Variants in MRPL13 observed in about 807,000 individuals in gnomAD.
MRPL13 encodes mitochondrial ribosomal protein L13.
Under a neutral mutation model 29.0 loss-of-function variants are expected in MRPL13, and 33 were observed. The observed-to-expected ratio is 1.14, with a 90% confidence interval of 0.86 to 1.52. MRPL13 has a LOEUF of 1.52. Ranked by LOEUF, MRPL13 falls within the 40% of genes most tolerant of loss-of-function variation. MRPL13 has a pLI of 0.00. For missense variants in MRPL13, 227 were observed against 216.7 expected (o/e 1.05, Z -0.30); for synonymous variants, 77 against 68.4 (o/e 1.13, Z -0.62).
At chr8:120,430,676 A>G (rs1341367157) in intron 3 of MRPL13, among the ~76,000 whole-genome samples, 1 of 152,162 alleles carries the variant, frequency 6.6e-6, no homozygotes, top group Non-Finnish European at 1.5e-5. Context: ...AAATAGCAAT[A>G]TGTTGTCTAA....
In MRPL13 at chr8:120,425,294, C is replaced by T. The variant is rs754741961; in HGVS notation, c.306+12G>A. The T allele has an allele frequency of 5.0e-6, 8 of 1,604,928 alleles. No individual in the cohort carries two copies. In the East Asian group the frequency reaches 6.7e-5, roughly 13 times the overall value. ...TTCCAAAGATGATTAATAAAAAATA[C>T]AAGAAACTTACTGCCACTGGATCCC... is the stretch of plus-strand genomic sequence containing the variant. On this transcript the variant is annotated intron_variant, in intron 4 of 6. Coordinates refer to ENST00000306185, the MANE Select transcript of MRPL13 (RefSeq NM_014078.6).
intron 2 of MRPL13, among the ~76,000 whole-genome samples, chr8:120,438,824 A>G (rs760702940): frequency 1.3e-5 from 2 of 152,244 alleles, no homozygotes; most frequent in South Asian, 2.1e-4. Flanking sequence ...TCGACTGTCA[A>G]TGAAGAGATG....
rs374727963 is a variant in MRPL13, at chr8:120,406,331, G to A, written c.515+7660C>T. ...AAAATGTCTATTTTAGTTATAGTTA[G>A]ACAAGATTTAAGTAAGGAGCAAAAC... is the stretch of plus-strand genomic sequence containing the variant. On this transcript the variant is annotated intron_variant, in intron 6 of 6. Coordinates refer to ENST00000306185, the MANE Select transcript of MRPL13 (RefSeq NM_014078.6). Among the ~76,000 whole-genome samples the A allele has an allele frequency of 8.0e-4, 122 of 152,234 alleles. 1 individual carries two copies. The highest frequency in any genetic ancestry group is 2.8e-3 in the African/African-American group (115 of 41,542).
At chr8:120,404,784 TA>T (rs1812645354) in intron 6 of MRPL13, among the ~76,000 whole-genome samples, 1 of 152,238 alleles carries the variant, frequency 6.6e-6, no homozygotes, top group African/African-American at 2.4e-5. Flanking sequence ...GTAACTTGGC[TA>T]AGGATACACA....
Position 120,443,312 on chromosome 8 carries a change from G to T in MRPL13, c.28-4C>A. On this transcript the variant is annotated splice_polypyrimidine_tract_variant and splice_region_variant and intron_variant, in intron 1 of 6. Transcript: ENST00000306185. ...TTCTAGCAAAAGTGGCCCATTGCTT[G>T]GGGGGGAAAAAAAAAAAAAAGAAGA... 6.9e-7 allele frequency: 1 copy of T among 1,439,372 alleles called. No individual in the cohort carries two copies. The highest frequency in any genetic ancestry group is 9.2e-7 in the Non-Finnish European group (1 of 1,092,588). The allele number at this position is 1,439,372 out of a possible 1,614,324, so 89.2% of individuals were successfully genotyped here.
chr8:120,435,265 T>C (rs1813040534), intron 2 of MRPL13, among the ~76,000 whole-genome samples: 1 of 152,122 alleles, frequency 6.6e-6, no homozygotes, highest in Admixed American at 6.6e-5. Flanking sequence ...GTGTGTTATA[T>C]AGGTAAATTG....
At chr8:120,397,392 G>C (rs1459547378) in intron 6 of MRPL13, among the ~76,000 whole-genome samples, 1 of 152,122 alleles carries the variant, frequency 6.6e-6, no homozygotes, top group Non-Finnish European at 1.5e-5. Context: ...CACTTCCATG[G>C]CATCTCACAA....
chr8:120,444,859 G>A, intron 1 of MRPL13: 1 of 566,508 alleles, frequency 1.8e-6, no homozygotes, highest in Non-Finnish European at 3.2e-6. Flanking sequence ...CATGAAAAGG[G>A]CAGATTGAAA....
At chr8:120,437,467 C>T (rs770881177) in intron 2 of MRPL13, among the ~76,000 whole-genome samples, 9 of 152,162 alleles carry the variant, frequency 5.9e-5, no homozygotes, top group Non-Finnish European at 1.2e-4. Flanking sequence ...TATAGTCCTC[C>T]TCAATGAATA....
At chr8:120,440,055 G>A (rs771096707) in intron 2 of MRPL13, among the ~76,000 whole-genome samples, 5 of 152,204 alleles carry the variant, frequency 3.3e-5, no homozygotes, top group East Asian at 3.9e-4. Flanking sequence ...GTACAAAACC[G>A]GCAAAATTTT....
intron 2 of MRPL13, among the ~76,000 whole-genome samples, chr8:120,437,417 A>G (rs1191177810): frequency 6.6e-6 from 1 of 152,196 alleles, no homozygotes; most frequent in Non-Finnish European, 1.5e-5. Context: ...ATTTTAGCAA[A>G]GCTAAAGAAA....
intron 6 of MRPL13, among the ~76,000 whole-genome samples, chr8:120,397,764 T>C (rs1172239777): frequency 1.3e-5 from 2 of 151,814 alleles, no homozygotes; most frequent in Non-Finnish European, 2.9e-5. Flanking sequence ...TTTCTGCAGT[T>C]CATTTGACAC....
chr8:120,405,600 T>G (rs770436362), intron 6 of MRPL13, among the ~76,000 whole-genome samples: 3 of 152,194 alleles, frequency 2.0e-5, no homozygotes, highest in Non-Finnish European at 4.4e-5. Flanking sequence ...TAATACTATC[T>G]AACAGAAGGT....
At chr8:120,440,312 G>A (rs1813103073) in intron 2 of MRPL13, among the ~76,000 whole-genome samples, 1 of 152,176 alleles carries the variant, frequency 6.6e-6, no homozygotes. Flanking sequence ...AGGGAACAGT[G>A]TGTGAAAAGG....
At chr8:120,439,370 TG>T (rs1813090845) in intron 2 of MRPL13, among the ~76,000 whole-genome samples, 1 of 152,198 alleles carries the variant, frequency 6.6e-6, no homozygotes, top group Non-Finnish European at 1.5e-5. Context: ...AGATAATATG[TG>T]TGTTAGATAA....
chr8:120,421,663 C>A (rs1422578371), intron 4 of MRPL13, among the ~76,000 whole-genome samples: 2 of 151,752 alleles, frequency 1.3e-5, no homozygotes, highest in Non-Finnish European at 3.0e-5. Flanking sequence ...AGGTAATAAT[C>A]CAAATGGATT....
intron 1 of MRPL13, among the ~76,000 whole-genome samples, chr8:120,444,053 T>C (rs1813166829): frequency 6.6e-6 from 1 of 152,126 alleles, no homozygotes; most frequent in South Asian, 2.1e-4. Context: ...CTGGTCTTAT[T>C]TTAAATTTAC....
chr8:120,407,506 C>T (rs1272875013), intron 6 of MRPL13, among the ~76,000 whole-genome samples: 1 of 151,812 alleles, frequency 6.6e-6, no homozygotes, highest in African/African-American at 2.4e-5. Flanking sequence ...ATTAGCTGGG[C>T]GTGGTGGCGG....
At position 120,417,225 on chromosome 8, in the gene MRPL13, T is replaced by C. The variant is rs376816601; in HGVS notation, c.393+2627A>G. ...AGCAGGAGGCACCTGATGTCAGTTTTTCCCACAGTGACCAAAGATTTGATC... is the reference window on the plus strand; with the variant it reads ...AGCAGGAGGCACCTGATGTCAGTTTCTCCCACAGTGACCAAAGATTTGATC... On this transcript the variant is annotated intron_variant, in intron 5 of 6. Coordinates refer to ENST00000306185, the MANE Select transcript of MRPL13 (RefSeq NM_014078.6). Among the ~76,000 whole-genome samples the C allele has an allele frequency of 8.1e-4, 123 of 152,352 alleles. 1 individual carries two copies. Among genetic ancestry groups the C allele is most frequent in the African/African-American group, 2.8e-3 (116 of 41,582 alleles).
Sources: allele counts gnomAD v4.1 joint callset (sites outside exome capture counted in the v4.1 genomes callset), GRCh38; gene constraint gnomAD v4.1.1; transcripts MANE v1.5; gene names NCBI Gene and HGNC (gene_info 2026-07-23, HGNC 2026-07-21).